The following KIAA1328 variants were observed in gnomAD, a reference collection of about 807,000 sequenced individuals.
KIAA1328 encodes the protein KIAA1328, also known as protein hinderin.
Under a neutral mutation model 68.1 loss-of-function variants are expected in KIAA1328, and 52 were observed. The ratio of observed to expected loss-of-function variants is 0.76; its 90% CI spans 0.61 to 0.96. KIAA1328 has a LOEUF of 0.96. KIAA1328 is among the 40% of genes least tolerant of loss of function. The pLI is 0.00. For missense variants in KIAA1328, 641 were observed against 677.6 expected (o/e 0.95, Z 0.60); for synonymous variants, 232 against 239.4 (o/e 0.97, Z 0.28).
chr18:37,223,066 C>G lies in KIAA1328; in HGVS notation c.*839C>G. On this transcript the variant is annotated 3_prime_UTR_variant, in exon 10 of 10. Coordinates refer to ENST00000280020, the MANE Select transcript of KIAA1328 (RefSeq NM_020776.3). ...TTATTCACCCCACCCCCCCACCCCC[C>G]ATCACACGTGCTCCTGTGAACTTTC... 2.3e-6 allele frequency: 2 copies of G among 873,228 alleles called. No homozygotes were observed. The highest frequency in any genetic ancestry group is 2.7e-6 in the Non-Finnish European group (2 of 733,756). 54.1% of individuals were successfully genotyped at this position (873,228 alleles called of 1,614,324 possible). A position where few individuals can be genotyped will look rare whatever the true frequency, so the allele number is the denominator to read the frequency against.
intron 5 of KIAA1328, among the ~76,000 whole-genome samples, chr18:36,920,096 G>A (rs2049859831): frequency 6.6e-6 from 1 of 152,110 alleles, no homozygotes; most frequent in African/African-American, 2.4e-5. Flanking sequence ...TGTTGCAGTT[G>A]CTTGTAGGAA....
chr18:37,170,490 G>A (rs1356545187), intron 8 of KIAA1328, among the ~76,000 whole-genome samples: 1 of 152,116 alleles, frequency 6.6e-6, no homozygotes, highest in East Asian at 1.9e-4. Context: ...AATATTTCCT[G>A]ACTAAATGAA....
chr18:36,905,645 A>G (rs571402504), intron 5 of KIAA1328, among the ~76,000 whole-genome samples: 5 of 152,288 alleles, frequency 3.3e-5, no homozygotes, highest in African/African-American at 1.2e-4. Flanking sequence ...ATTTCTACCA[A>G]TGAACTGAGT....
chr18:36,917,898 C>G (rs1474667137), intron 5 of KIAA1328, among the ~76,000 whole-genome samples: 1 of 152,150 alleles, frequency 6.6e-6, no homozygotes, highest in African/African-American at 2.4e-5. Flanking sequence ...CACTGTCAGT[C>G]CCTTCTAGTT....
intron 6 of KIAA1328, among the ~76,000 whole-genome samples, chr18:37,018,157 G>A (rs1181944996): frequency 6.6e-6 from 1 of 152,070 alleles, no homozygotes; most frequent in Non-Finnish European, 1.5e-5. Context: ...TGGTCTAGTG[G>A]TAATGAATTT....
chr18:36,866,857 C>T (rs551593698), intron 4 of KIAA1328, among the ~76,000 whole-genome samples: 1 of 152,214 alleles, frequency 6.6e-6, no homozygotes, highest in South Asian at 2.1e-4. Flanking sequence ...TTTAGAAAAA[C>T]TTATATATTC....
Position 37,066,964 on chromosome 18 carries a change from A to G in KIAA1328, c.651A>G (p.Pro217=). 6.2e-7 allele frequency: 1 copy of G among 1,613,066 alleles called. No homozygotes were observed. The highest frequency in any genetic ancestry group is 1.1e-5 in the South Asian group (1 of 90,854). The stretch of plus-strand genomic sequence containing the variant: ...GTTCCTACTTGAGCATAGCCAGACC[A>G]CAGACCTACTATCAAACCAAGCAAA... The part of the protein sequence containing the change: ...LDGSYLSIAR[P]QTYYQTKQRP... The change falls in exon 7 of 10, where the codon CCA becomes CCG. Residue 217 remains proline, a synonymous_variant. Transcript: ENST00000280020.
intron 5 of KIAA1328, among the ~76,000 whole-genome samples, chr18:36,906,318 A>G (rs956263855): frequency 1.3e-5 from 2 of 152,146 alleles, no homozygotes; most frequent in African/African-American, 4.8e-5. Context: ...CTACCACCTT[A>G]CAATATATTC....
intron 5 of KIAA1328, among the ~76,000 whole-genome samples, chr18:36,932,127 A>G (rs2050332959): frequency 6.6e-6 from 1 of 151,800 alleles, no homozygotes; most frequent in African/African-American, 2.4e-5. Flanking sequence ...TGAGCTTATA[A>G]TGCTCCTGTC....
At chr18:37,155,428 A>T (rs2059131851) in intron 7 of KIAA1328, among the ~76,000 whole-genome samples, 1 of 152,104 alleles carries the variant, frequency 6.6e-6, no homozygotes, top group Non-Finnish European at 1.5e-5. Context: ...TCAACCCAAA[A>T]TTCTGGCAGT....
intron 1 of KIAA1328, 28 bp downstream of exon 1, chr18:36,829,224 G>A (rs1600879187): frequency 1.3e-6 from 2 of 1,497,124 alleles, no homozygotes; most frequent in East Asian, 5.6e-5. Flanking sequence ...GACAGGGGGC[G>A]CCGGCGCCCT....
intron 8 of KIAA1328, among the ~76,000 whole-genome samples, chr18:37,163,216 G>C (rs1025004492): frequency 6.6e-6 from 1 of 152,120 alleles, no homozygotes; most frequent in African/African-American, 2.4e-5. Flanking sequence ...CAAAACTGAG[G>C]GCATTTTTTT....
chr18:37,070,284 G>T (rs551259403), intron 7 of KIAA1328, among the ~76,000 whole-genome samples: 1 of 152,098 alleles, frequency 6.6e-6, no homozygotes, highest in African/African-American at 2.4e-5. Context: ...AAAAGAATAC[G>T]TATTCTGCTG....
At chr18:36,894,911 A>C (rs2151013407) in intron 5 of KIAA1328, among the ~76,000 whole-genome samples, 1 of 152,210 alleles carries the variant, frequency 6.6e-6, no homozygotes, top group East Asian at 1.9e-4. Flanking sequence ...CATATTCTTG[A>C]TTTTGACATT....
chr18:37,080,779 G>GA (rs768469176), intron 7 of KIAA1328, among the ~76,000 whole-genome samples: 2,538 of 131,088 alleles, frequency 0.019, 53 homozygotes, highest in African/African-American at 0.059. Context: ...GACTCTGTCT[G>GA]AAAAAAAAAA....
intron 6 of KIAA1328, among the ~76,000 whole-genome samples, chr18:36,999,409 A>G (rs1233778365): frequency 6.6e-6 from 1 of 152,222 alleles, no homozygotes; most frequent in Non-Finnish European, 1.5e-5. Context: ...ATTCAGATGC[A>G]AGAGGTTCAG....
intron 4 of KIAA1328, among the ~76,000 whole-genome samples, chr18:36,847,150 A>G (rs2047056677): frequency 6.6e-6 from 1 of 151,430 alleles, no homozygotes; most frequent in African/African-American, 2.4e-5. Context: ...CCATACTTCA[A>G]TTTGTTTATC....
chr18:37,082,925 C>G (rs549299139), intron 7 of KIAA1328, among the ~76,000 whole-genome samples: 3 of 152,218 alleles, frequency 2.0e-5, no homozygotes, highest in Non-Finnish European at 4.4e-5. Context: ...TAACAATATG[C>G]CTTAATACAT....
At chr18:37,168,948 GAA>G (rs57319316) in intron 8 of KIAA1328, among the ~76,000 whole-genome samples, 1 of 150,280 alleles carries the variant, frequency 6.7e-6, no homozygotes, top group Non-Finnish European at 1.5e-5. Context: ...TGAACTCTAA[GAA>G]AAAAAAATTG....
Sources: allele counts gnomAD v4.1 joint callset (sites outside exome capture counted in the v4.1 genomes callset), GRCh38; gene constraint gnomAD v4.1.1; transcripts MANE v1.5; gene names NCBI Gene and HGNC (gene_info 2026-07-23, HGNC 2026-07-21).